The following ARAP1 variants were observed in gnomAD, a reference collection of about 807,000 sequenced individuals.
The protein encoded by ARAP1 is arf-GAP with Rho-GAP domain, ANK repeat and PH domain-containing protein 1.
Under a neutral mutation model 172.2 loss-of-function variants are expected in ARAP1, and 76 were observed. The observed-to-expected ratio is 0.44, with a 90% CI of 0.37 to 0.53. The LOEUF is 0.53. Ranked by LOEUF, ARAP1 falls within the 20% of genes least tolerant of loss-of-function variation. The probability of loss-of-function intolerance (pLI) is 0.00; values close to 1 mark genes in which losing one functional copy is unlikely to be tolerated. For synonymous variants in ARAP1, 804 were observed against 803.3 expected, an observed-to-expected ratio of 1.00 and a Z score of -0.01; for missense variants, 1,686 against 1,977.5, an observed-to-expected ratio of 0.85 and a Z score of 2.80.
chr11:72,689,232 G>A (rs141889722), intron 30 of ARAP1, among the ~76,000 whole-genome samples: 150 of 152,238 alleles, frequency 9.9e-4, no homozygotes, highest in Non-Finnish European at 1.8e-3. Flanking sequence ...TCTGGCCCCC[G>A]CCTCTGCATA....
intron 2 of ARAP1, among the ~76,000 whole-genome samples, chr11:72,729,793 T>C (rs903751891): frequency 1.3e-5 from 2 of 151,566 alleles, no homozygotes; most frequent in Non-Finnish European, 2.9e-5. Context: ...TGCACACTTG[T>C]AGTCTCAGCT....
At position 72,698,089 on chromosome 11, in the gene ARAP1, T is replaced by C. The variant is rs1442610567; in HGVS notation, c.2559A>G (p.Leu853=). The change falls in exon 19 of 35, where the codon CTA becomes CTG. Residue 853 remains leucine (L), a synonymous_variant. Coordinates refer to ENST00000393609, the MANE Select transcript of ARAP1 (RefSeq NM_001040118.3). Reference sequence around the variant, plus strand: ...AATCCCGGGCCAGCAGATCCTCGGCTAGGGGAGGCACGAATGCCTGGCAGA... The same window carrying C: ...AATCCCGGGCCAGCAGATCCTCGGCCAGGGGAGGCACGAATGCCTGGCAGA... ...KCIAKAFVPP[L]AEDLLARDFE... 6.2e-7 allele frequency: 1 copy of C among 1,600,586 alleles called. No homozygotes were observed. Among genetic ancestry groups the C allele is most frequent in the Non-Finnish European group, 8.5e-7 (1 of 1,174,448 alleles).
rs3029807 is a variant in ARAP1 at position 72,722,151 on chromosome 11, CAGAGAG to C, written c.509+4463_509+4468del. 4.1e-4 allele frequency: 393 copies of C among 952,934 alleles called. 1 individual carries two copies. Among genetic ancestry groups the C allele is most frequent in the African/African-American group, 3.9e-3 (220 of 55,982 alleles). 59.0% of individuals were successfully genotyped at this position (952,934 alleles called of 1,614,324 possible). ...TGTGGATCTGTCCAGGAGGAAAGGA[CAGAGAG>C]AGAGAGAGAGAGAGAAAGACAGAGG... On this transcript the variant is annotated intron_variant, in intron 3 of 34. Coordinates refer to ENST00000393609, the MANE Select transcript of ARAP1 (RefSeq NM_001040118.3).
At chr11:72,701,088 T>G (rs1050959175) in intron 16 of ARAP1, among the ~76,000 whole-genome samples, 4 of 152,124 alleles carry the variant, frequency 2.6e-5, no homozygotes, top group African/African-American at 9.7e-5. Context: ...AACAGAGACC[T>G]GACGGAAGTG....
intron 11 of ARAP1, chr11:72,708,479 G>A (rs1856864014): frequency 6.2e-6 from 1 of 160,812 alleles, no homozygotes; most frequent in African/African-American, 2.4e-5. Context: ...CGTCAGGCGG[G>A]GCTGCAGCTG....
In ARAP1 at chr11:72,691,497, G is replaced by A. The variant is rs189269851; in HGVS notation, c.3987+1256C>T. 1.5e-3 allele frequency among the ~76,000 whole-genome samples: 230 copies of A among 152,344 alleles called. 2 individuals carry two copies. The highest frequency in any genetic ancestry group is 5.4e-3 in the African/African-American group (223 of 41,582). ...TGGATGGGCAGATAGGCTCAGAAGT[G>A]AGGATGTGATCACAGAAGAGGGCAA... On this transcript the variant is annotated intron_variant, in intron 30 of 34. Coordinates refer to ENST00000393609, the MANE Select transcript of ARAP1 (RefSeq NM_001040118.3).
At chr11:72,692,625 C>A (rs767419453) in intron 30 of ARAP1, 128 bp downstream of exon 30, 381 of 1,275,852 alleles carry the variant, frequency 3.0e-4, no homozygotes, top group Non-Finnish European at 3.7e-4. Context: ...CCAGTGCCAA[C>A]GGGCAAGGGG....
intron 3 of ARAP1, among the ~76,000 whole-genome samples, chr11:72,717,200 T>C (rs761582852): frequency 3.3e-4 from 50 of 152,204 alleles, no homozygotes; most frequent in Middle Eastern, 3.4e-3. Flanking sequence ...GCGATTCCCT[T>C]AGAGACTTCT....
At chr11:72,687,377 C>G (rs1191704552) in intron 33 of ARAP1, 62 bp downstream of exon 33, 1 of 1,597,478 alleles carries the variant, frequency 6.3e-7, no homozygotes, top group African/African-American at 1.3e-5. Flanking sequence ...GCCAATGTCC[C>G]CATTCTCCAT....
At chr11:72,751,969 C>G (rs1366676251) in intron 1 of ARAP1, among the ~76,000 whole-genome samples, 1 of 152,218 alleles carries the variant, frequency 6.6e-6, no homozygotes. Context: ...GGCATAGGGT[C>G]GTACAGATCT....
intron 27 of ARAP1, among the ~76,000 whole-genome samples, chr11:72,694,119 C>T (rs1856066031): frequency 7.1e-6 from 1 of 139,996 alleles, no homozygotes; most frequent in East Asian, 2.4e-4. Context: ...GGCTGCTCAA[C>T]TCAGAAACAA....
intron 22 of ARAP1, 136 bp from the exon 23 acceptor site, chr11:72,696,790 C>A: frequency 1.1e-6 from 1 of 946,578 alleles, no homozygotes; most frequent in Non-Finnish European, 1.5e-6. Flanking sequence ...AGGCATTCAA[C>A]CAGGGTAAGG....
chr11:72,731,540 G>T (rs1025515934), intron 2 of ARAP1, among the ~76,000 whole-genome samples: 11 of 152,186 alleles, frequency 7.2e-5, no homozygotes, highest in African/African-American at 2.7e-4. Flanking sequence ...GCAGATGCTG[G>T]TGCCATGCTT....
chr11:72,742,140 T>A (rs1053815617), intron 1 of ARAP1, among the ~76,000 whole-genome samples: 3 of 152,080 alleles, frequency 2.0e-5, no homozygotes, highest in African/African-American at 7.2e-5. Flanking sequence ...GGCCTCCAAT[T>A]TGATGTGTGA....
At chr11:72,685,910 C>A (rs1855657539) in intron 34 of ARAP1, 132 bp downstream of exon 34, 1 of 1,544,136 alleles carries the variant, frequency 6.5e-7, no homozygotes, top group Non-Finnish European at 8.9e-7. Flanking sequence ...TGAGGGCCCC[C>A]ACCAAGGCTG....
intron 4 of ARAP1, 34 bp from the exon 5 acceptor site, chr11:72,713,277 A>G: frequency 6.2e-7 from 1 of 1,601,324 alleles, no homozygotes; most frequent in African/African-American, 1.3e-5. Context: ...CCTCAGGGCA[A>G]GGGGCCTGGC....
chr11:72,688,090 C>T (rs1052574523), intron 31 of ARAP1, among the ~76,000 whole-genome samples: 5 of 152,084 alleles, frequency 3.3e-5, no homozygotes, highest in South Asian at 4.1e-4. Context: ...GCCCAAACTT[C>T]GGGACTCAAG....
intron 1 of ARAP1, among the ~76,000 whole-genome samples, chr11:72,744,915 T>TTTC (rs1858307417): frequency 6.6e-6 from 1 of 152,214 alleles, no homozygotes; most frequent in Non-Finnish European, 1.5e-5. Context: ...CATGTCCATC[T>TTTC]TTAGAGCCGA....
intron 11 of ARAP1, among the ~76,000 whole-genome samples, chr11:72,709,464 C>T (rs947779713): frequency 6.6e-6 from 1 of 152,140 alleles, no homozygotes; most frequent in Admixed American, 6.5e-5. Context: ...CACCAATGAA[C>T]AGCTGAGGTC....
Sources: allele counts gnomAD v4.1 joint callset (sites outside exome capture counted in the v4.1 genomes callset), GRCh38; gene constraint gnomAD v4.1.1; transcripts MANE v1.5; gene names NCBI Gene and HGNC (gene_info 2026-07-23, HGNC 2026-07-21).